LCNL1: variants seen among roughly 807,000 people sequenced by gnomAD.
The protein encoded by LCNL1 is lipocalin like 1.
In LCNL1, 11 loss-of-function variants were observed where a neutral mutation model predicts 7.9. The ratio of observed to expected loss-of-function variants is 1.40; its 90% CI spans 0.88 to 2.32. The LOEUF is 2.32. LCNL1 is among the 30% of genes most tolerant of loss of function. The probability of loss-of-function intolerance (pLI) is 0.00; values close to 1 mark genes in which losing one functional copy is unlikely to be tolerated. For synonymous variants in LCNL1, 90 were observed against 92.5 expected, an observed-to-expected ratio of 0.97 and a Z score of 0.15; for missense variants, 218 against 217.0, an observed-to-expected ratio of 1.00 and a Z score of -0.03.
intron 1 of LCNL1, 112 bp from the exon 2 acceptor site, chr9:136,984,378 A>G (rs891104859): frequency 1.0e-6 from 1 of 981,046 alleles, no homozygotes; most frequent in Admixed American, 3.4e-5. Flanking sequence ...ATGTCCTCTA[A>G]GGATTGTGAG....
intron 1 of LCNL1, chr9:136,984,140 C>G: frequency 4.8e-6 from 2 of 417,360 alleles, no homozygotes; most frequent in Non-Finnish European, 8.7e-6. Context: ...GTGTCTATCT[C>G]TGTGTGTGTC....
Position 136,984,742 on chromosome 9 carries a change from T to C in LCNL1, c.226T>C (p.Phe76Leu). The C allele has an allele frequency of 6.5e-7, 1 of 1,538,114 alleles. No individual in the cohort carries two copies. The highest frequency in any genetic ancestry group is 8.8e-7 in the Non-Finnish European group (1 of 1,137,550). ...GGCCCTGAGTGACATCCGAGTGGCC[T>C]TCTCCGACTACCAGCACTTTGCCTT... ...AMALSDIRVA[F>L]SDYQHFALLY... The change falls in exon 3 of 3, where the codon TTC becomes CTC. Residue 76 changes from phenylalanine to leucine, a missense_variant. By Grantham distance (22) the Phe-to-Leu change is conservative (BLOSUM62 0). Transcript: ENST00000408973.
At position 136,984,709 on chromosome 9, in the gene LCNL1, C is replaced by T; in HGVS notation, c.197-4C>T. 6.6e-7 allele frequency: 1 copy of T among 1,519,922 alleles called. No homozygotes were observed. The highest frequency in any genetic ancestry group is 8.8e-7 in the Non-Finnish European group (1 of 1,130,602). 94.2% of individuals were successfully genotyped at this position (1,519,922 alleles called of 1,614,324 possible). On this transcript the variant is annotated splice_region_variant and splice_polypyrimidine_tract_variant and intron_variant, in intron 2 of 2. Coordinates refer to ENST00000408973, the MANE Select transcript of LCNL1 (RefSeq NM_207510.4). Reference sequence around the variant, plus strand: ...CCTGGGGTCAGCGGCTCTCGCTCCTCCAGCCATGGCCCTGAGTGACATCCG... The same window carrying T: ...CCTGGGGTCAGCGGCTCTCGCTCCTTCAGCCATGGCCCTGAGTGACATCCG...
chr9:136,984,229 G>A (rs1007276603), intron 1 of LCNL1: 24 of 504,850 alleles, frequency 4.8e-5, no homozygotes, highest in African/African-American at 4.7e-4. Flanking sequence ...GTGTGTATGT[G>A]TGTGTCTTCT....
Position 136,983,187 on chromosome 9 carries a change from G to GTGTAGATCTC in LCNL1, c.-400_-399insTGTAGATCTC. On this transcript the variant is annotated 5_prime_UTR_variant, in exon 1 of 3. The change creates a premature stop within an existing upstream ORF in the 5' untranslated region. Transcript: ENST00000408973. ...TCACCCGCTCCGTCTGACTGGAGTA[G>GTGTAGATCTC]GGGTTGGCTGGGGAAGACTGCAGCC... is the stretch of plus-strand genomic sequence containing the variant. 1 of 212,970 alleles carries GTGTAGATCTC rather than the reference G, an allele frequency of 4.7e-6. No homozygotes were observed. Among genetic ancestry groups the GTGTAGATCTC allele is most frequent in the East Asian group, 1.1e-4 (1 of 8,962 alleles). 13.2% of individuals were successfully genotyped at this position (212,970 alleles called of 1,614,324 possible). A position where few individuals can be genotyped will look rare whatever the true frequency, so the allele number is the denominator to read the frequency against.
At position 136,983,709 on chromosome 9, in the gene LCNL1, G is replaced by A. The variant is rs201957397; in HGVS notation, c.122+1G>A. On this transcript the variant is annotated splice_donor_variant, in intron 1 of 2. Coordinates refer to ENST00000408973, the MANE Select transcript of LCNL1 (RefSeq NM_207510.4). LOFTEE classifies it high-confidence loss of function. ...TGGCCCTCAAGTTTGGATACCCCACGTAAGTGACCACACGAGCCCATCAGA... is the reference window on the plus strand; with the variant it reads ...TGGCCCTCAAGTTTGGATACCCCACATAAGTGACCACACGAGCCCATCAGA... 2.0e-4 allele frequency: 327 copies of A among 1,613,360 alleles called. No individual in the cohort carries two copies. The highest frequency in any genetic ancestry group is 6.8e-4 in the Admixed American group (41 of 60,014).
chr9:136,985,178 G>C lies in LCNL1; in HGVS notation c.*167G>C, dbSNP rs1317061373. ...AGCCCTGCTGGGAGGGCCAGGCCCC[G>C]GGTCACACCCCTGCTGGAAGGGCCA... On this transcript the variant is annotated 3_prime_UTR_variant, in exon 3 of 3. Transcript: ENST00000408973. 1.5e-6 allele frequency: 1 copy of C among 662,152 alleles called. No individual in the cohort carries two copies. The highest frequency in any genetic ancestry group is 2.5e-6 in the Non-Finnish European group (1 of 395,820). 41.0% of individuals were successfully genotyped at this position (662,152 alleles called of 1,614,324 possible).
intron 1 of LCNL1, chr9:136,984,012 CTGTGTGTGCGTGTG>C: frequency 2.3e-6 from 1 of 443,708 alleles, no homozygotes; most frequent in East Asian, 3.8e-5. Flanking sequence ...GTGTGTGTGT[CTGTGTGTGCGTGTG>C]TATGCATGTG....
Position 136,983,467 on chromosome 9 carries a change from C to A in LCNL1, c.-120C>A. ...TCGGGGTCGAGATGTGTACAGCAGC[C>A]CCTGCCGTGGCCAGGAAGCAGCTGT... is the stretch of plus-strand genomic sequence containing the variant. On this transcript the variant is annotated 5_prime_UTR_variant, in exon 1 of 3. Coordinates refer to ENST00000408973, the MANE Select transcript of LCNL1 (RefSeq NM_207510.4). The A allele has an allele frequency of 1.6e-6, 2 of 1,254,400 alleles. 1 individual carries two copies. The highest frequency in any genetic ancestry group is 2.6e-5 in the South Asian group (2 of 77,088). The allele number at this position is 1,254,400 out of a possible 1,614,324, so 77.7% of individuals were successfully genotyped here.
At position 136,984,025 on chromosome 9, in the gene LCNL1, T is replaced by A. The variant is rs1332429746; in HGVS notation, c.122+317T>A. ...ATGTGTGTGTGTCTGTGTGTGCGTG[T>A]GTATGCATGTGTGTCTTTGTAGATG... On this transcript the variant is annotated intron_variant, in intron 1 of 2. Coordinates refer to ENST00000408973, the MANE Select transcript of LCNL1 (RefSeq NM_207510.4). The A allele has an allele frequency of 7.0e-6, 3 of 428,388 alleles. No homozygotes were observed. The East Asian group carries it at 1.2e-4, about 17-fold the overall frequency. 26.5% of individuals were successfully genotyped at this position (428,388 alleles called of 1,614,324 possible). A position where few individuals can be genotyped will look rare whatever the true frequency, so the allele number is the denominator to read the frequency against.
In LCNL1 at chr9:136,985,186, C is replaced by A. The variant is rs1830488171; in HGVS notation, c.*175C>A. ...TGGGAGGGCCAGGCCCCGGGTCACA[C>A]CCCTGCTGGAAGGGCCAGGCCCTGG... On this transcript the variant is annotated 3_prime_UTR_variant, in exon 3 of 3. Transcript: ENST00000408973. The A allele has an allele frequency of 1.6e-6, 1 of 643,280 alleles. No individual in the cohort carries two copies. Among genetic ancestry groups the A allele is most frequent in the South Asian group, 2.0e-5 (1 of 49,814 alleles). 39.8% of individuals were successfully genotyped at this position (643,280 alleles called of 1,614,324 possible).
Position 136,983,590 on chromosome 9 carries a change from G to A in LCNL1, c.4G>A (p.Val2Ile). 1.9e-6 allele frequency: 3 copies of A among 1,613,602 alleles called. No homozygotes were observed. The highest frequency in any genetic ancestry group is 2.5e-6 in the Non-Finnish European group (3 of 1,179,688). Residue 2 changes from valine to isoleucine, a missense_variant, in exon 1 of 3, where the codon GTC becomes ATC. Coordinates refer to ENST00000408973, the MANE Select transcript of LCNL1 (RefSeq NM_207510.4). ...GCAGTTCCAGGGCACCTGGTACATG[G>A]TCGGGGTGGTGTCAGATGACCAGGA... M[V>I]GVVSDDQDFL...
Position 136,983,577 on chromosome 9 carries a change from C to T in LCNL1, c.-10C>T. The T allele has an allele frequency of 1.2e-6, 2 of 1,612,550 alleles. No individual in the cohort carries two copies. The highest frequency in any genetic ancestry group is 1.7e-5 in the Admixed American group (1 of 60,008). ...CTGCACTTGCCCTGCAGTTCCAGGG[C>T]ACCTGGTACATGGTCGGGGTGGTGT... On this transcript the variant is annotated 5_prime_UTR_variant, in exon 1 of 3. Transcript: ENST00000408973.
At position 136,984,705 on chromosome 9, in the gene LCNL1, T is replaced by C; in HGVS notation, c.197-8T>C. Reference sequence around the variant, plus strand: ...TGGGCCTGGGGTCAGCGGCTCTCGCTCCTCCAGCCATGGCCCTGAGTGACA... The same window carrying C: ...TGGGCCTGGGGTCAGCGGCTCTCGCCCCTCCAGCCATGGCCCTGAGTGACA... On this transcript the variant is annotated splice_region_variant and splice_polypyrimidine_tract_variant and intron_variant, in intron 2 of 2. Coordinates refer to ENST00000408973, the MANE Select transcript of LCNL1 (RefSeq NM_207510.4). 6.6e-7 allele frequency: 1 copy of C among 1,517,830 alleles called. No individual in the cohort carries two copies. The highest frequency in any genetic ancestry group is 8.8e-7 in the Non-Finnish European group (1 of 1,129,994). The allele number at this position is 1,517,830 out of a possible 1,614,324, so 94.0% of individuals were successfully genotyped here.
chr9:136,984,581 G>A lies in LCNL1; in HGVS notation c.196+18G>A. 1 of 1,552,394 alleles carries A rather than the reference G, an allele frequency of 6.4e-7. No homozygotes were observed. The highest frequency in any genetic ancestry group is 8.7e-7 in the Non-Finnish European group (1 of 1,147,340). On this transcript the variant is annotated intron_variant, in intron 2 of 2. Transcript: ENST00000408973. The stretch of plus-strand genomic sequence containing the variant: ...CAACCCAGGTGAGGTGGGGCAGCAG[G>A]CAGGGCTGTGGCGTGGGGGCCCTGG...
Position 136,984,540 on chromosome 9 carries a change from T to TA in LCNL1, c.174dup (p.Pro59ThrfsTer13). On this transcript the variant is annotated frameshift_variant, in exon 2 of 3. Transcript: ENST00000408973. LOFTEE classifies it low-confidence loss of function (END_TRUNC). ...GACACGACCTTCACCGAGGGTGCTG[T>TA]ACCGGGGCAGTTCAGCAACCCAGGT... The TA allele has an allele frequency of 6.3e-7, 1 of 1,576,086 alleles. No individual in the cohort carries two copies. Among genetic ancestry groups the TA allele is most frequent in the African/African-American group, 1.3e-5 (1 of 74,572 alleles).
Position 136,984,910 on chromosome 9 carries a change from G to A in LCNL1, c.394G>A (p.Ala132Thr), listed in dbSNP as rs1252612153. The part of the protein sequence containing the change: ...PLCLHQPFLH[A>T]EGGTAGSWCL... ...GTGCCTGCACCAGCCCTTTCTGCAC[G>A]CGGAAGGTGGAACCGCTGGCTCCTG... Residue 132 changes from alanine to threonine, a missense_variant, in exon 3 of 3, where the codon GCG becomes ACG. By Grantham distance (58) the Ala-to-Thr change is moderately conservative. Coordinates refer to ENST00000408973, the MANE Select transcript of LCNL1 (RefSeq NM_207510.4). 1.3e-6 allele frequency: 2 copies of A among 1,555,524 alleles called. No individual in the cohort carries two copies. Among genetic ancestry groups the A allele is most frequent in the Non-Finnish European group, 1.7e-6 (2 of 1,149,766 alleles).
Position 136,985,122 on chromosome 9 carries a change from C to G in LCNL1, c.*111C>G. 1.7e-6 allele frequency: 2 copies of G among 1,145,598 alleles called. No individual in the cohort carries two copies. The highest frequency in any genetic ancestry group is 2.4e-6 in the Non-Finnish European group (2 of 827,658). The allele number at this position is 1,145,598 out of a possible 1,614,324, so 71.0% of individuals were successfully genotyped here. A position where few individuals can be genotyped will look rare whatever the true frequency, so the allele number is the denominator to read the frequency against. On this transcript the variant is annotated 3_prime_UTR_variant, in exon 3 of 3. Coordinates refer to ENST00000408973, the MANE Select transcript of LCNL1 (RefSeq NM_207510.4). ...GGGCCTGAGCCCCAGCCAGGGCGTC[C>G]TGCTGCCGAAGTCGGGTGAGCGGTG...
intron 1 of LCNL1, chr9:136,984,227 GTGTGTGTCTTC>G (rs1830472547): frequency 2.0e-6 from 1 of 504,936 alleles, no homozygotes; most frequent in African/African-American, 2.0e-5. Context: ...ATGTGTGTAT[GTGTGTGTCTTC>G]TGTGTGTCTG....
Sources: gnomAD v4.1 joint callset for allele counts on GRCh38, gnomAD v4.1.1 for gene constraint, MANE v1.5 for transcripts, NCBI Gene and HGNC (gene_info 2026-07-23, HGNC 2026-07-21) for gene names.